MECOM: variants seen among roughly 807,000 people sequenced by gnomAD.
The protein encoded by MECOM is histone-lysine N-methyltransferase MECOM.
MECOM carries 13 observed loss-of-function variants against 116.3 expected under a neutral mutation model. The observed-to-expected ratio is 0.11, with a 90% CI of 0.07 to 0.18. The LOEUF (loss-of-function observed/expected upper bound fraction) is 0.18, where lower values mean the gene tolerates loss of function less well. Ranked by LOEUF, MECOM falls within the 10% of genes least tolerant of loss-of-function variation. The probability of loss-of-function intolerance (pLI) is 1.00; values close to 1 mark genes in which losing one functional copy is unlikely to be tolerated. For synonymous variants in MECOM, 528 were observed against 535.2 expected (o/e 0.99, Z 0.19); for missense variants, 1,299 against 1,509.0 (o/e 0.86, Z 2.31).
At chr3:169,291,472 C>T (rs888083179) in intron 2 of MECOM, among the ~76,000 whole-genome samples, 6 of 152,130 alleles carry the variant, frequency 3.9e-5, no homozygotes, top group Admixed American at 3.9e-4. Flanking sequence ...TTCTCCTTTA[C>T]CTCAGCCTAC....
At chr3:169,383,946 A>T (rs2108294701) in intron 1 of MECOM, among the ~76,000 whole-genome samples, 1 of 152,254 alleles carries the variant, frequency 6.6e-6, no homozygotes, top group East Asian at 1.9e-4. Context: ...CTTCCTCCTG[A>T]GTCAAATTCC....
intron 1 of MECOM, among the ~76,000 whole-genome samples, chr3:169,425,099 A>ACCC (rs5854331): frequency 0.022 from 3,168 of 147,136 alleles, 66 homozygotes; most frequent in African/African-American, 0.051. Flanking sequence ...ATTTGCAGAA[A>ACCC]CCCCCCCCCA....
At chr3:169,191,774 G>GAA (rs1747709813) in intron 2 of MECOM, among the ~76,000 whole-genome samples, 2 of 138,404 alleles carry the variant, frequency 1.4e-5, no homozygotes, top group African/African-American at 2.9e-5. Flanking sequence ...AAGAAAGAAA[G>GAA]AAAGAAAGAA....
intron 1 of MECOM, chr3:169,484,172 T>A: frequency 1.6e-6 from 1 of 638,108 alleles, no homozygotes; most frequent in South Asian, 1.9e-5. Context: ...CTTTGCCCAA[T>A]CCCATTACTG....
intron 3 of MECOM, chr3:169,131,810 CATAT>C: frequency 1.3e-6 from 1 of 752,264 alleles, no homozygotes; most frequent in Admixed American, 4.0e-5. Flanking sequence ...AGCTGCGTCA[CATAT>C]ATCCTGTGTA....
In MECOM at chr3:169,309,979, G is replaced by A. The variant is rs114961207; in HGVS notation, c.375+71208C>T. Among the ~76,000 whole-genome samples the A allele has an allele frequency of 1.3e-3, 200 of 152,272 alleles. 1 individual carries two copies. Among genetic ancestry groups the A allele is most frequent in the Admixed American group, 4.8e-3 (73 of 15,290 alleles). ...TTCCAGCACAGCACACATCAGGACC[G>A]GGGAAGAGGCCATTTAAATGCAGGA... is the stretch of plus-strand genomic sequence containing the variant. On this transcript the variant is annotated intron_variant, in intron 2 of 16. Coordinates refer to ENST00000651503, the MANE Select transcript of MECOM (RefSeq NM_004991.4).
Position 169,447,622 on chromosome 3 carries a change from G to A in MECOM, c.38-66098C>T, listed in dbSNP as rs190005058. ...CACTGTCTTCAAGGAATCCATAGTGGGAAGCAGAGCACACAAACAGATGTT... is the reference window on the plus strand; with the variant it reads ...CACTGTCTTCAAGGAATCCATAGTGAGAAGCAGAGCACACAAACAGATGTT... On this transcript the variant is annotated intron_variant, in intron 1 of 16. Coordinates refer to ENST00000651503, the MANE Select transcript of MECOM (RefSeq NM_004991.4). 3.3e-5 allele frequency among the ~76,000 whole-genome samples: 5 copies of A among 152,280 alleles called. No homozygotes were observed. In the East Asian group the frequency reaches 5.8e-4, roughly 18 times the overall value.
At chr3:169,582,642 C>CT (rs906698964) in intron 1 of MECOM, among the ~76,000 whole-genome samples, 13 of 152,312 alleles carry the variant, frequency 8.5e-5, no homozygotes, top group African/African-American at 3.1e-4. Flanking sequence ...CCTTCCCTTC[C>CT]TTTGTCTCTG....
chr3:169,532,690 G>A (rs1019910764), intron 1 of MECOM, among the ~76,000 whole-genome samples: 2 of 152,044 alleles, frequency 1.3e-5, no homozygotes, highest in African/African-American at 4.8e-5. Context: ...CTGCTTAATC[G>A]AACACCAAGT....
intron 1 of MECOM, among the ~76,000 whole-genome samples, chr3:169,431,991 GT>G (rs1225837321): frequency 6.0e-5 from 9 of 151,140 alleles, no homozygotes; most frequent in Admixed American, 5.9e-4. Flanking sequence ...TTGGGGTGAG[GT>G]TTTTCACCTT....
intron 1 of MECOM, among the ~76,000 whole-genome samples, chr3:169,522,752 A>G (rs1757501597): frequency 6.6e-6 from 1 of 152,270 alleles, no homozygotes. Context: ...AAAAGAAACC[A>G]AAAAGAATAG....
chr3:169,620,506 A>G (rs967741775), intron 1 of MECOM, among the ~76,000 whole-genome samples: 8 of 152,226 alleles, frequency 5.3e-5, no homozygotes, highest in African/African-American at 1.9e-4. Context: ...TTGCCCTTTG[A>G]TGCTTATCTG....
chr3:169,364,462 A>C (rs1295108626), intron 2 of MECOM, among the ~76,000 whole-genome samples: 1 of 152,038 alleles, frequency 6.6e-6, no homozygotes. Flanking sequence ...ACTGGTATAG[A>C]CATAGGTTGA....
At chr3:169,508,627 AC>A (rs1215325995) in intron 1 of MECOM, among the ~76,000 whole-genome samples, 3 of 152,160 alleles carry the variant, frequency 2.0e-5, no homozygotes, top group African/African-American at 7.2e-5. Flanking sequence ...ATGATAAGAA[AC>A]TATTCTCATA....
intron 2 of MECOM, among the ~76,000 whole-genome samples, chr3:169,178,298 G>A (rs757861563): frequency 6.6e-6 from 1 of 152,186 alleles, no homozygotes. Flanking sequence ...GTGATTATAC[G>A]AATTTTGAGC....
intron 2 of MECOM, among the ~76,000 whole-genome samples, chr3:169,242,855 C>CT (rs68094882): frequency 0.13 from 17,890 of 142,312 alleles, 1,335 homozygotes; most frequent in African/African-American, 0.2. Flanking sequence ...AGACTGCTTG[C>CT]TTTTTTTTTT....
intron 2 of MECOM, among the ~76,000 whole-genome samples, chr3:169,251,965 T>C (rs372423403): frequency 6.6e-6 from 1 of 152,202 alleles, no homozygotes; most frequent in East Asian, 1.9e-4. Flanking sequence ...CTATACCCAT[T>C]GTATAGTTTT....
At chr3:169,649,432 G>C (rs1182243902) in intron 1 of MECOM, among the ~76,000 whole-genome samples, 1 of 81,552 alleles carries the variant, frequency 1.2e-5, no homozygotes, top group African/African-American at 4.7e-5. Flanking sequence ...AAAAAAAATA[G>C]GAAAACAAAA....
intron 2 of MECOM, among the ~76,000 whole-genome samples, chr3:169,313,207 G>T (rs1048202119): frequency 3.3e-5 from 5 of 152,198 alleles, no homozygotes; most frequent in Non-Finnish European, 5.9e-5. Context: ...ATTGGCCATT[G>T]GATTTGGCAA....
Sources: allele counts gnomAD v4.1 joint callset (sites outside exome capture counted in the v4.1 genomes callset), GRCh38; gene constraint gnomAD v4.1.1; transcripts MANE v1.5; gene names NCBI Gene and HGNC (gene_info 2026-07-23, HGNC 2026-07-21).